The following BTD variants were observed in gnomAD, a reference collection of about 807,000 sequenced individuals.
BTD encodes the protein biocytinase.
In BTD, 13 loss-of-function variants were observed where a neutral mutation model predicts 17.7. That is an observed-to-expected ratio of 0.74 (90% CI 0.48 to 1.17). The LOEUF (loss-of-function observed/expected upper bound fraction) is 1.17, where lower values mean the gene tolerates loss of function less well. Among genes scored for constraint, BTD ranks in the 50% most tolerant of loss-of-function variants. BTD has a pLI of 0.00. For missense variants in BTD, 674 were observed against 650.4 expected, an observed-to-expected ratio of 1.04 and a Z score of -0.39; for synonymous variants, 240 against 245.2, an observed-to-expected ratio of 0.98 and a Z score of 0.20.
chr3:15,657,167 C>A (rs1261217438), downstream of BTD, among the ~76,000 whole-genome samples: 9 of 152,224 alleles, frequency 5.9e-5, no homozygotes, highest in Admixed American at 1.3e-4. Context: ...CTGCCAATTT[C>A]TTAAAGCTGT....
exon 5 of BTD, among the ~76,000 whole-genome samples, chr3:15,722,205 G>C (rs2073805947): frequency 6.6e-6 from 1 of 152,170 alleles, no homozygotes; most frequent in African/African-American, 2.4e-5. Flanking sequence ...TAGAGTGGGA[G>C]CTTTGGGTCA....
intron 1 of BTD, among the ~76,000 whole-genome samples, chr3:15,622,453 T>A (rs369982817): frequency 6.6e-6 from 1 of 152,244 alleles, no homozygotes; most frequent in African/African-American, 2.4e-5. Flanking sequence ...TGTTAAGTTG[T>A]GTTTTATGGC....
downstream of BTD, among the ~76,000 whole-genome samples, chr3:15,656,278 C>T (rs2065870649): frequency 6.6e-6 from 1 of 152,170 alleles, no homozygotes; most frequent in Admixed American, 6.5e-5. Flanking sequence ...ATCAATACCT[C>T]ACATCTGTTG....
chr3:15,658,013 C>T (rs1431546125), downstream of BTD, among the ~76,000 whole-genome samples: 15 of 151,884 alleles, frequency 9.9e-5, no homozygotes, highest in African/African-American at 1.7e-4. Flanking sequence ...ACTAAAAATA[C>T]GAAAGTTAGC....
At position 15,670,198 on chromosome 3, in the gene BTD, T is replaced by A. The variant is rs141630346; in HGVS notation, c.399+28141T>A. 2.5e-4 allele frequency: 374 copies of A among 1,505,062 alleles called. 3 individuals carry two copies. In the East Asian group the frequency reaches 8.6e-3, roughly 35 times the overall value. The allele number at this position is 1,505,062 out of a possible 1,614,324, so 93.2% of individuals were successfully genotyped here. ...CTCTTAGGTTGAATTTCTACGTGAA[T>A]ATCAAAGTGCCTTTTTCCTGAAAAA... On this transcript the variant is annotated intron_variant, in intron 3 of 3. Coordinates refer to the BTD transcript ENST00000672141.
intron 2 of BTD, among the ~76,000 whole-genome samples, chr3:15,638,461 TTCTTA>T (rs2065416327): frequency 6.6e-6 from 1 of 152,182 alleles, no homozygotes. Flanking sequence ...CACAAGCACT[TTCTTA>T]TCTTAGCCAC....
chr3:15,606,212 C>T (rs2064449778), intron 1 of BTD, among the ~76,000 whole-genome samples: 1 of 152,124 alleles, frequency 6.6e-6, no homozygotes, highest in African/African-American at 2.4e-5. Context: ...ATTAGAGTCA[C>T]TTGGAAAGCT....
intron 3 of BTD, among the ~76,000 whole-genome samples, chr3:15,643,120 C>T (rs373226690): frequency 1.1e-4 from 16 of 152,096 alleles, no homozygotes; most frequent in African/African-American, 2.7e-4. Flanking sequence ...CCAAATTTCC[C>T]GCTTAAAAAA....
Position 15,635,307 on chromosome 3 carries a change from C to T in BTD, c.-16-117C>T, listed in dbSNP as rs141803585. 563 of 1,463,796 alleles carry T rather than the reference C, an allele frequency of 3.8e-4. 2 individuals are homozygous for T. The African/African-American group carries it at 7.0e-3, about 18-fold the overall frequency. The allele number at this position is 1,463,796 out of a possible 1,614,324, so 90.7% of individuals were successfully genotyped here. The stretch of plus-strand genomic sequence containing the variant: ...GGAACATGAAACAAACTCTTTGAGC[C>T]GCAGTATCACTGCGAGTGAGTTTAA... On this transcript the variant is annotated intron_variant, in intron 1 of 3. Coordinates refer to ENST00000643237, the MANE Select transcript of BTD (RefSeq NM_001370658.1). The surrounding 1 kb of genome is among the most constrained non-coding windows in gnomAD (Gnocchi z 4.1).
At chr3:15,720,127 G>C (rs1314076646) in intron 4 of BTD, among the ~76,000 whole-genome samples, 1 of 152,130 alleles carries the variant, frequency 6.6e-6, no homozygotes, top group Non-Finnish European at 1.5e-5. Flanking sequence ...GCCTCCCAAA[G>C]TGGTGGGATT....
intron 1 of BTD, among the ~76,000 whole-genome samples, chr3:15,615,268 G>A (rs999233231): frequency 7.2e-5 from 11 of 152,184 alleles, no homozygotes; most frequent in South Asian, 2.1e-4. Flanking sequence ...ACCCACATAA[G>A]GAAAACCTTT....
rs80338686 is a variant in BTD at position 15,645,468 on chromosome 3, C to A, written c.1552C>A (p.Arg518Ser). 9.9e-6 allele frequency: 16 copies of A among 1,608,830 alleles called. No individual in the cohort carries two copies. In the South Asian group the frequency reaches 1.6e-4, roughly 17 times the overall value. Residue 518 changes from arginine (R) to serine (S), a missense_variant, in exon 4 of 4, where the codon CGC (arginine) becomes AGC (serine). By Grantham distance (110) the Arg-to-Ser change is moderately radical. Transcript: ENST00000643237. Reference protein sequence around the residue: ...SGLVTAALYGRLYERD With the variant: ...SGLVTAALYGSLYERD ...GCTGGTGACGGCGGCTCTCTATGGG[C>A]GCTTGTATGAGAGGGACTAGGAAAA...
At chr3:15,688,131 TAATGTCTCAGTTC>T in intron 3 of BTD, among the ~76,000 whole-genome samples, 1 of 150,138 alleles carries the variant, frequency 6.7e-6, no homozygotes, top group Non-Finnish European at 1.5e-5. Flanking sequence ...AGGGACTGGC[TAATGTCTCAGTTC>T]AATATTTACC....
chr3:15,644,688 C>G lies in BTD; in HGVS notation c.772C>G (p.Leu258Val), dbSNP rs397514388. 6.2e-7 allele frequency: 1 copy of G among 1,614,220 alleles called. No homozygotes were observed. Among genetic ancestry groups the G allele is most frequent in the Non-Finnish European group, 8.5e-7 (1 of 1,180,040 alleles). Reference sequence around the variant, plus strand: ...AACTGCCTGGATGAACCAGCTCCCACTCTTGGCAGCAATTGAGATTCAGAA... The same window carrying G: ...AACTGCCTGGATGAACCAGCTCCCAGTCTTGGCAGCAATTGAGATTCAGAA... ...YPTAWMNQLP[L>V]LAAIEIQKAF... Residue 258 changes from leucine (L) to valine (V), a missense_variant, in exon 4 of 4, where the codon CTC becomes GTC. Coordinates refer to ENST00000643237, the MANE Select transcript of BTD (RefSeq NM_001370658.1).
In BTD at chr3:15,670,696, T is replaced by A. The variant is rs183050571; in HGVS notation, c.399+28639T>A. ...TAATAAATTGCTGTAACCAGCATGA[T>A]TCGCAAGTTTCTAATAAGTAGAAAA... On this transcript the variant is annotated intron_variant, in intron 3 of 3. Coordinates refer to the BTD transcript ENST00000672141. 8.9e-4 allele frequency: 788 copies of A among 881,288 alleles called. 2 individuals are homozygous for A. The highest frequency in any genetic ancestry group is 6.0e-3 in the East Asian group (224 of 37,528). The allele number at this position is 881,288 out of a possible 1,614,324, so 54.6% of individuals were successfully genotyped here.
chr3:15,669,369 T>C (rs985872922), intron 3 of BTD: 2 of 152,182 alleles, frequency 1.3e-5, no homozygotes, highest in Admixed American at 1.3e-4. Flanking sequence ...TTAGCTGCAA[T>C]AGGGTGAAAT....
chr3:15,643,181 C>A (rs1215663078), intron 3 of BTD, among the ~76,000 whole-genome samples: 1 of 152,074 alleles, frequency 6.6e-6, no homozygotes, highest in Non-Finnish European at 1.5e-5. Context: ...GCCTCTTTTT[C>A]CATCCTTTGG....
chr3:15,702,835 CT>C (rs967725029), intron 3 of BTD, among the ~76,000 whole-genome samples: 2 of 151,938 alleles, frequency 1.3e-5, no homozygotes, highest in African/African-American at 4.8e-5. Flanking sequence ...CACCCCACCC[CT>C]GGCCCAAAAA....
intron 2 of BTD, among the ~76,000 whole-genome samples, chr3:15,640,933 C>A (rs913217048): frequency 6.6e-6 from 1 of 152,146 alleles, no homozygotes; most frequent in Non-Finnish European, 1.5e-5. Context: ...GCAATGCATT[C>A]CAGAAATAAG....
Sources: allele counts gnomAD v4.1 joint callset (sites outside exome capture counted in the v4.1 genomes callset), GRCh38; gene constraint gnomAD v4.1.1; non-coding constraint Gnocchi (gnomAD v3.1); transcripts MANE v1.5; gene names NCBI Gene and HGNC (gene_info 2026-07-23, HGNC 2026-07-21).